The following RBFOX1 variants were observed in gnomAD, a reference collection of about 807,000 sequenced individuals.
RBFOX1 encodes RNA binding fox-1 homolog 1.
A neutral mutation model predicts 57.7 loss-of-function variants in RBFOX1; 8 were observed. The ratio of observed to expected loss-of-function variants is 0.14; its 90% CI spans 0.08 to 0.25. RBFOX1 has a LOEUF of 0.25. Ranked by LOEUF, RBFOX1 falls within the 10% of genes least tolerant of loss-of-function variation. RBFOX1 has a pLI of 1.00. For missense variants in RBFOX1, 611 were observed against 548.5 expected (o/e 1.11, Z -1.14); for synonymous variants, 326 against 222.4 (o/e 1.47, Z -4.15).
At chr16:6,463,774 A>G (rs1042995137) in intron 2 of RBFOX1, among the ~76,000 whole-genome samples, 6 of 152,318 alleles carry the variant, frequency 3.9e-5, no homozygotes, top group Non-Finnish European at 8.8e-5. Flanking sequence ...TATTCCCTGA[A>G]CAGCACCAGC....
intron 1 of RBFOX1, among the ~76,000 whole-genome samples, chr16:5,411,050 C>G (rs1434853832): frequency 6.6e-6 from 1 of 152,202 alleles, no homozygotes; most frequent in African/African-American, 2.4e-5. Flanking sequence ...TTATCCTCCT[C>G]CATAGTGGGC....
intron 3 of RBFOX1, among the ~76,000 whole-genome samples, chr16:5,641,300 G>C (rs1368597542): frequency 6.6e-6 from 1 of 152,194 alleles, no homozygotes; most frequent in Non-Finnish European, 1.5e-5. Context: ...TACAGTGGAA[G>C]GGAAAAGACA....
chr16:7,492,560 C>A (rs2067269824), intron 4 of RBFOX1, among the ~76,000 whole-genome samples: 1 of 152,114 alleles, frequency 6.6e-6, no homozygotes, highest in African/African-American at 2.4e-5. Flanking sequence ...AATTCAGTTT[C>A]TTAGTGATAT....
chr16:5,743,637 C>G (rs985551154), intron 3 of RBFOX1, among the ~76,000 whole-genome samples: 1 of 152,168 alleles, frequency 6.6e-6, no homozygotes, highest in Non-Finnish European at 1.5e-5. Flanking sequence ...ATTAAAAAAT[C>G]ACACATGATT....
intron 2 of RBFOX1, among the ~76,000 whole-genome samples, chr16:5,590,046 TAC>T (rs148421648): frequency 0.57 from 81,913 of 142,646 alleles, 22,910 homozygotes; most frequent in Non-Finnish European, 0.65. Flanking sequence ...GTCTGCGTGT[TAC>T]ACACACACAC....
chr16:6,881,817 T>C (rs1436086963), intron 3 of RBFOX1, among the ~76,000 whole-genome samples: 2 of 151,764 alleles, frequency 1.3e-5, no homozygotes, highest in Non-Finnish European at 2.9e-5. Flanking sequence ...TGGGTACTTT[T>C]ATTCTCCCTA....
chr16:5,728,280 A>G (rs1001245696), intron 3 of RBFOX1, among the ~76,000 whole-genome samples: 1 of 152,242 alleles, frequency 6.6e-6, no homozygotes, highest in Non-Finnish European at 1.5e-5. Context: ...TTTAGCCTAT[A>G]AAAAGAAGGA....
chr16:6,960,763 G>T (rs1345612214), intron 3 of RBFOX1, among the ~76,000 whole-genome samples: 3 of 151,876 alleles, frequency 2.0e-5, no homozygotes, highest in African/African-American at 7.3e-5. Flanking sequence ...CAGACTTTGA[G>T]CTCTTCAATC....
chr16:7,232,601 G>A (rs1184825656), intron 4 of RBFOX1, among the ~76,000 whole-genome samples: 1 of 152,092 alleles, frequency 6.6e-6, no homozygotes, highest in Non-Finnish European at 1.5e-5. Context: ...CAGCGCTTTG[G>A]GAGGCCGAAG....
At chr16:6,808,948 C>A (rs144250743) in intron 3 of RBFOX1, among the ~76,000 whole-genome samples, 1 of 152,266 alleles carries the variant, frequency 6.6e-6, no homozygotes, top group African/African-American at 2.4e-5. Flanking sequence ...GGACTCTGTA[C>A]TTCTATATTT....
chr16:6,776,842 T>C (rs1419891611), intron 3 of RBFOX1, among the ~76,000 whole-genome samples: 1 of 152,006 alleles, frequency 6.6e-6, no homozygotes, highest in Admixed American at 6.5e-5. Flanking sequence ...TGTTTTATTT[T>C]TTCTTCGTAG....
chr16:6,151,196 G>T (rs1309164650), intron 1 of RBFOX1, among the ~76,000 whole-genome samples: 2 of 151,926 alleles, frequency 1.3e-5, no homozygotes, highest in Non-Finnish European at 2.9e-5. Context: ...CATCTATTTG[G>T]GGTGTTCTCC....
At chr16:6,110,945 G>A (rs1792542662) in intron 1 of RBFOX1, among the ~76,000 whole-genome samples, 3 of 152,168 alleles carry the variant, frequency 2.0e-5, no homozygotes. Context: ...GGAGTAAAGG[G>A]AAAAGCATGT....
chr16:5,608,642 A>T (rs1442113186), intron 3 of RBFOX1, among the ~76,000 whole-genome samples: 1 of 152,200 alleles, frequency 6.6e-6, no homozygotes, highest in African/African-American at 2.4e-5. Context: ...ATTATTGATT[A>T]TTTCAGCTCT....
intron 2 of RBFOX1, among the ~76,000 whole-genome samples, chr16:5,592,149 C>T (rs1308904244): frequency 1.3e-5 from 2 of 150,200 alleles, no homozygotes; most frequent in Non-Finnish European, 2.9e-5. Context: ...GTGAAATTGT[C>T]TGTACATTTC....
At chr16:7,278,836 G>T (rs895525775) in intron 4 of RBFOX1, among the ~76,000 whole-genome samples, 2 of 152,316 alleles carry the variant, frequency 1.3e-5, no homozygotes, top group East Asian at 1.9e-4. Flanking sequence ...GAATTATGGA[G>T]CTGGGCCAAG....
chr16:7,082,611 G>T (rs2059377152), intron 4 of RBFOX1, among the ~76,000 whole-genome samples: 1 of 152,016 alleles, frequency 6.6e-6, no homozygotes, highest in African/African-American at 2.4e-5. Context: ...CACTGATTCA[G>T]TTGAGTTTAT....
chr16:7,276,960 C>G (rs1000715236), intron 4 of RBFOX1, among the ~76,000 whole-genome samples: 8 of 152,142 alleles, frequency 5.3e-5, no homozygotes, highest in African/African-American at 1.9e-4. Flanking sequence ...GCAATATAAT[C>G]AAAAGCAGCT....
At chr16:5,405,752 T>G (rs1197651282) in intron 1 of RBFOX1, among the ~76,000 whole-genome samples, 1 of 152,150 alleles carries the variant, frequency 6.6e-6, no homozygotes, top group African/African-American at 2.4e-5. Context: ...GTTACAGTAA[T>G]CCCTTTCCCT....
Sources: gnomAD v4.1 joint callset for allele counts (sites outside exome capture counted in the v4.1 genomes callset) on GRCh38, gnomAD v4.1.1 for gene constraint, MANE v1.5 for transcripts, NCBI Gene and HGNC (gene_info 2026-07-23, HGNC 2026-07-21) for gene names.